Variants in NCR2 observed in about 807,000 individuals in gnomAD.
NCR2 encodes the protein natural cytotoxicity triggering receptor 2.
A neutral mutation model predicts 30.7 loss-of-function variants in NCR2; 35 were observed. The observed-to-expected ratio is 1.14, with a 90% CI of 0.87 to 1.51. The LOEUF (loss-of-function observed/expected upper bound fraction) is 1.51, where lower values mean the gene tolerates loss of function less well. Among genes scored for constraint, NCR2 ranks in the 40% most tolerant of loss-of-function variants. The probability of loss-of-function intolerance (pLI) is 0.00; values close to 1 mark genes in which losing one functional copy is unlikely to be tolerated. For synonymous variants in NCR2, 146 were observed against 134.8 expected (o/e 1.08, Z -0.58); for missense variants, 316 against 328.9 (o/e 0.96, Z 0.30).
chr6:41,336,032 G>A, intron 1 of NCR2, 55 bp from the exon 2 acceptor site: 2 of 1,589,678 alleles, frequency 1.3e-6, no homozygotes, highest in Non-Finnish European at 8.6e-7. Flanking sequence ...GAGGCCTGCT[G>A]TGAGGCAGGT....
At position 41,342,168 on chromosome 6, in the gene NCR2, G is replaced by T; in HGVS notation, c.644+19G>T. On this transcript the variant is annotated intron_variant, in intron 4 of 4. Transcript: ENST00000373089. ...TCTGGTGGTGAGTGTGGTGTGGGTTGAACTCGGGGAAAATGGAACAGGGAA... is the reference window on the plus strand; with the variant it reads ...TCTGGTGGTGAGTGTGGTGTGGGTTTAACTCGGGGAAAATGGAACAGGGAA... 6.2e-7 allele frequency: 1 copy of T among 1,610,412 alleles called. No individual in the cohort carries two copies.
In NCR2 at chr6:41,350,787, C is replaced by A; in HGVS notation, c.754C>A (p.Pro252Thr). The change falls in exon 5 of 5, where the codon CCT becomes ACT. Residue 252 changes from proline (P) to threonine (T), a missense_variant. Physicochemically the swap from Pro to Thr is conservative, Grantham distance 38. Transcript: ENST00000373089. ...CCTTCCCTGGACCTCAGTTTCCTCA[C>A]CTGTAGAGAGAGAAATATTATATCA... ...TDLPWTSVSS[P>T]VEREILYHTV... The A allele has an allele frequency of 7.0e-7, 1 of 1,421,490 alleles. No individual in the cohort carries two copies. The highest frequency in any genetic ancestry group is 1.0e-6 in the Non-Finnish European group (1 of 1,004,274). The allele number at this position is 1,421,490 out of a possible 1,614,324, so 88.1% of individuals were successfully genotyped here. A position where few individuals can be genotyped will look rare whatever the true frequency, so the allele number is the denominator to read the frequency against.
At chr6:41,340,098 A>G (rs1039606018) in intron 2 of NCR2, among the ~76,000 whole-genome samples, 13 of 152,182 alleles carry the variant, frequency 8.5e-5, no homozygotes, top group African/African-American at 2.7e-4. Context: ...AAATCATAAA[A>G]TTATACATCT....
rs1206941298 is a variant in NCR2 at position 41,335,913 on chromosome 6, C to T, written c.37C>T (p.Leu13=). 4 of 1,571,596 alleles carry T rather than the reference C, an allele frequency of 2.5e-6. No homozygotes were observed. Among genetic ancestry groups the T allele is most frequent in the Non-Finnish European group, 3.5e-6 (4 of 1,157,764 alleles). The change falls in exon 1 of 5, where the codon CTG becomes TTG. Residue 13 remains leucine (L), a synonymous_variant. Transcript: ENST00000373089. Reference sequence around the variant, plus strand: ...AGCCCTACACCCACTGCTACTGCTGCTGCTGCTGTTCCCAGGTGAGGGGGA... The same window carrying T: ...AGCCCTACACCCACTGCTACTGCTGTTGCTGCTGTTCCCAGGTGAGGGGGA... ...WRALHPLLLL[L]LLFPGSQAQS... is the part of the protein sequence containing the mutation.
chr6:41,348,924 TAGA>T (rs1769365761), intron 4 of NCR2, among the ~76,000 whole-genome samples: 2 of 152,104 alleles, frequency 1.3e-5, no homozygotes, highest in Non-Finnish European at 2.9e-5. Flanking sequence ...TTATACTTCT[TAGA>T]AGATCTAATG....
intron 4 of NCR2, among the ~76,000 whole-genome samples, chr6:41,346,209 G>A (rs939768287): frequency 4.0e-5 from 6 of 151,788 alleles, no homozygotes; most frequent in Non-Finnish European, 7.4e-5. Flanking sequence ...TTGGGCCCAC[G>A]TAGACAAGAT....
chr6:41,339,799 G>T (rs1769126488), intron 2 of NCR2, among the ~76,000 whole-genome samples: 1 of 152,166 alleles, frequency 6.6e-6, no homozygotes, highest in African/African-American at 2.4e-5. Flanking sequence ...CCCGTATTCT[G>T]CCTACCACAA....
In NCR2 at chr6:41,335,865, GA is replaced by G; in HGVS notation, c.-8del. The G allele has an allele frequency of 6.4e-7, 1 of 1,562,816 alleles. No homozygotes were observed. The highest frequency in any genetic ancestry group is 2.4e-5 in the East Asian group (1 of 42,178). On this transcript the variant is annotated 5_prime_UTR_variant, in exon 1 of 5. Transcript: ENST00000373089. ...GGTGTCCCCTCCCATGAGCGCACAG[GA>G]AAAGGACCACATGGCCTGGCGAGCC...
At chr6:41,337,985 CAATATT>C (rs1406052683) in intron 2 of NCR2, among the ~76,000 whole-genome samples, 2 of 152,172 alleles carry the variant, frequency 1.3e-5, no homozygotes, top group Non-Finnish European at 2.9e-5. Flanking sequence ...TATGCAATAT[CAATATT>C]ATCACTTATT....
chr6:41,338,265 C>CA lies in NCR2; in HGVS notation c.394+1839dup, dbSNP rs200703423. Among the ~76,000 whole-genome samples the CA allele has an allele frequency of 5.5e-3, 842 of 152,316 alleles. 11 individuals carry two copies. Among genetic ancestry groups the CA allele is most frequent in the African/African-American group, 0.019 (770 of 41,570 alleles). On this transcript the variant is annotated intron_variant, in intron 2 of 4. Coordinates refer to ENST00000373089, the MANE Select transcript of NCR2 (RefSeq NM_004828.4). The stretch of plus-strand genomic sequence containing the variant: ...TCAACAAAACTTTAAATTTGGCATG[C>CA]AACAGTAGCTGTTTATGATCTGTTT...
chr6:41,335,909 G>A lies in NCR2; in HGVS notation c.33G>A (p.Leu11=). 6.5e-7 allele frequency: 1 copy of A among 1,547,930 alleles called. No homozygotes were observed. Among genetic ancestry groups the A allele is most frequent in the Non-Finnish European group, 8.8e-7 (1 of 1,142,846 alleles). The change falls in exon 1 of 5, where the codon CTG becomes CTA. Residue 11 remains leucine (L), a synonymous_variant. Coordinates refer to ENST00000373089, the MANE Select transcript of NCR2 (RefSeq NM_004828.4). ...GGCGAGCCCTACACCCACTGCTACT[G>A]CTGCTGCTGCTGTTCCCAGGTGAGG... is the stretch of plus-strand genomic sequence containing the variant. MAWRALHPLL[L]LLLLFPGSQA...
At chr6:41,348,571 A>C (rs935448879) in intron 4 of NCR2, among the ~76,000 whole-genome samples, 1 of 152,116 alleles carries the variant, frequency 6.6e-6, no homozygotes, top group Non-Finnish European at 1.5e-5. Context: ...AATAATTCTC[A>C]GTGGTCGTGG....
At chr6:41,343,056 C>A in intron 4 of NCR2, 1 of 1,506,612 alleles carries the variant, frequency 6.6e-7, no homozygotes, top group South Asian at 1.2e-5. Context: ...AGGCTGGGCT[C>A]CCAGCAGCTC....
chr6:41,339,442 G>A (rs1769117848), intron 2 of NCR2, among the ~76,000 whole-genome samples: 1 of 151,744 alleles, frequency 6.6e-6, no homozygotes, highest in South Asian at 2.1e-4. Flanking sequence ...CTGCAGTGCA[G>A]TGGTGTGATC....
chr6:41,341,709 T>C (rs1769170917), intron 2 of NCR2, 85 bp from the exon 3 acceptor site: 4 of 1,498,714 alleles, frequency 2.7e-6, no homozygotes, highest in Non-Finnish European at 3.6e-6. Context: ...CCCAGTCTGG[T>C]CCAACTCCCC....
intron 2 of NCR2, among the ~76,000 whole-genome samples, chr6:41,337,235 C>T (rs1043747044): frequency 3.9e-5 from 6 of 152,142 alleles, no homozygotes; most frequent in African/African-American, 1.4e-4. Flanking sequence ...ATATAAAGTA[C>T]AAGCCCAACA....
In NCR2 at chr6:41,342,494, CCTGT is replaced by C. The variant is rs529461387; in HGVS notation, c.644+348_644+351del. ...TCCCATTCCACCCCCTTCCTCTCTC[CCTGT>C]CTCTCTACCCCTCCCTCCTCTCCTC... On this transcript the variant is annotated intron_variant, in intron 4 of 4. Coordinates refer to ENST00000373089, the MANE Select transcript of NCR2 (RefSeq NM_004828.4). 5.2e-3 allele frequency among the ~76,000 whole-genome samples: 793 copies of C among 151,092 alleles called. 7 individuals carry two copies. Among genetic ancestry groups the C allele is most frequent in the Non-Finnish European group, 5.8e-3 (394 of 67,732 alleles).
intron 2 of NCR2, among the ~76,000 whole-genome samples, chr6:41,336,814 C>G (rs890281973): frequency 2.0e-5 from 3 of 151,874 alleles, no homozygotes; most frequent in Non-Finnish European, 4.4e-5. Flanking sequence ...GTCTAGATAC[C>G]AAGATACTAT....
chr6:41,339,527 G>T (rs547484459), intron 2 of NCR2, among the ~76,000 whole-genome samples: 1 of 152,034 alleles, frequency 6.6e-6, no homozygotes, highest in Non-Finnish European at 1.5e-5. Context: ...TGGGACTACA[G>T]GTGCCCGCCA....
Sources: allele counts gnomAD v4.1 joint callset (sites outside exome capture counted in the v4.1 genomes callset), GRCh38; gene constraint gnomAD v4.1.1; transcripts MANE v1.5; gene names NCBI Gene and HGNC (gene_info 2026-07-23, HGNC 2026-07-21).